CLMP: variants seen among roughly 807,000 people sequenced by gnomAD.
CLMP encodes the protein CXADR-like membrane protein.
A neutral mutation model predicts 45.2 loss-of-function variants in CLMP; 27 were observed. The ratio of observed to expected loss-of-function variants is 0.60; its 90% CI spans 0.44 to 0.82. CLMP has a LOEUF of 0.82. CLMP is among the 40% of genes least tolerant of loss of function. The probability of loss-of-function intolerance (pLI) is 0.00; values close to 1 mark genes in which losing one functional copy is unlikely to be tolerated. For synonymous variants in CLMP, 167 were observed against 171.4 expected, an observed-to-expected ratio of 0.97 and a Z score of 0.20; for missense variants, 403 against 448.4, an observed-to-expected ratio of 0.90 and a Z score of 0.91.
In CLMP at chr11:123,070,790, T is replaced by C. The variant is rs1380798932; in HGVS notation, c.*2684A>G. ...GGTTTTATATTTTACAATGAGACAG[T>C]GTTAGTGTAAGAAGCATTCCAAATA... is the stretch of plus-strand genomic sequence containing the variant. On this transcript the variant is annotated 3_prime_UTR_variant, in exon 7 of 7. Transcript: ENST00000448775. 6.6e-6 allele frequency: 1 copy of C among 152,176 alleles called. No homozygotes were observed. The highest frequency in any genetic ancestry group is 2.4e-5 in the African/African-American group (1 of 41,434). 9.4% of individuals were successfully genotyped at this position (152,176 alleles called of 1,614,324 possible).
intron 1 of CLMP, among the ~76,000 whole-genome samples, chr11:123,142,621 C>CCTT (rs769561538): frequency 8.1e-6 from 1 of 123,266 alleles, no homozygotes; most frequent in Non-Finnish European, 1.6e-5. Context: ...GATGAGGTTT[C>CCTT]TTTTTTTTTT....
intron 2 of CLMP, among the ~76,000 whole-genome samples, chr11:123,086,241 A>G (rs912288583): frequency 3.2e-4 from 49 of 152,322 alleles, no homozygotes; most frequent in African/African-American, 1.1e-3. Context: ...GTGATTTATA[A>G]TCAAGTGAGA....
intron 1 of CLMP, among the ~76,000 whole-genome samples, chr11:123,101,183 A>G (rs1452821166): frequency 2.6e-5 from 4 of 152,208 alleles, no homozygotes. Flanking sequence ...ATCTCAGCTC[A>G]CTGCGACCTC....
intron 1 of CLMP, chr11:123,136,160 G>C: frequency 6.4e-6 from 4 of 629,722 alleles, no homozygotes; most frequent in Non-Finnish European, 1.2e-5. Context: ...TACTGCAGTT[G>C]CTGCAAGTTT....
intron 1 of CLMP, among the ~76,000 whole-genome samples, chr11:123,136,560 ATTTTTTTTTT>A (rs34074982): frequency 5.8e-5 from 5 of 85,856 alleles, no homozygotes; most frequent in East Asian, 7.0e-4. Context: ...CTTTTAAGTA[ATTTTTTTTTT>A]TTTTTTTTTT....
chr11:123,127,759 G>A (rs563564948), intron 1 of CLMP, among the ~76,000 whole-genome samples: 26 of 152,190 alleles, frequency 1.7e-4, no homozygotes, highest in Non-Finnish European at 2.2e-4. Flanking sequence ...TAACGTGGCC[G>A]GGCACGGTGG....
In CLMP at chr11:123,097,865, A is replaced by G; in HGVS notation, c.116T>C (p.Leu39Pro). ...CAGAGTGTCTTTTTCTGGAAGCCCC[A>G]GTTGATGGTGGCAGGGCAAAGTGAC... ...EKVTLPCHHQ[L>P]GLPEKDTLDI... is the part of the protein sequence containing the mutation. The change falls in exon 2 of 7, where the codon CTG becomes CCG. Residue 39 changes from leucine to proline, a missense_variant. Physicochemically the swap from Leu to Pro is moderately conservative, Grantham distance 98. Coordinates refer to ENST00000448775, the MANE Select transcript of CLMP (RefSeq NM_024769.5). 1 of 1,610,932 alleles carries G rather than the reference A, an allele frequency of 6.2e-7. No individual in the cohort carries two copies. Among genetic ancestry groups the G allele is most frequent in the Non-Finnish European group, 8.5e-7 (1 of 1,178,648 alleles).
At chr11:123,076,684 AG>A (rs1865744189) in intron 5 of CLMP, among the ~76,000 whole-genome samples, 1 of 152,180 alleles carries the variant, frequency 6.6e-6, no homozygotes, top group African/African-American at 2.4e-5. Context: ...GGGAGAGTAG[AG>A]GGAGATGAGG....
intron 2 of CLMP, among the ~76,000 whole-genome samples, chr11:123,091,342 C>A (rs1399607772): frequency 1.3e-5 from 2 of 152,278 alleles, no homozygotes; most frequent in East Asian, 3.9e-4. Context: ...TGACCTTAAG[C>A]GACCTGCCCA....
chr11:123,195,150 C>G lies in CLMP; in HGVS notation c.-210G>C. On this transcript the variant is annotated 5_prime_UTR_variant, in exon 1 of 7. Transcript: ENST00000448775. ...GGCGCTCGCCCCACCAGCTGGCGCC[C>G]GGACGGGAGCCGGGACCAGGGTCAG... The G allele has an allele frequency of 6.7e-6, 2 of 300,452 alleles. No individual in the cohort carries two copies. The highest frequency in any genetic ancestry group is 1.2e-5 in the Non-Finnish European group (2 of 165,528). 18.6% of individuals were successfully genotyped at this position (300,452 alleles called of 1,614,324 possible). A position where few individuals can be genotyped will look rare whatever the true frequency, so the allele number is the denominator to read the frequency against.
Position 123,118,614 on chromosome 11 carries a change from T to C in CLMP, c.29-20662A>G, listed in dbSNP as rs1025275387. On this transcript the variant is annotated intron_variant, in intron 1 of 6. Transcript: ENST00000448775. ...AACTAAATGATGGTATGCAGATAAA[T>C]GGACTAACCCAGACTTCCACTTTTC... Among the ~76,000 whole-genome samples the C allele has an allele frequency of 2.0e-5, 3 of 152,170 alleles. No individual in the cohort carries two copies. The East Asian group carries it at 5.8e-4, about 29-fold the overall frequency.
chr11:123,149,116 A>AAATTACCACCAGAGGAG (rs2135523267), intron 1 of CLMP, among the ~76,000 whole-genome samples: 1 of 152,282 alleles, frequency 6.6e-6, no homozygotes, highest in East Asian at 1.9e-4. Context: ...GCGGGTGTCT[A>AAATTACCACCAGAGGAG]AATTACCACC....
intron 1 of CLMP, among the ~76,000 whole-genome samples, chr11:123,165,122 T>C (rs1203966610): frequency 2.6e-5 from 4 of 152,140 alleles, no homozygotes; most frequent in Non-Finnish European, 2.9e-5. Context: ...ACTTTTCCAG[T>C]TTTTACCAGC....
At chr11:123,082,460 C>G (rs1333888446) in intron 5 of CLMP, among the ~76,000 whole-genome samples, 2 of 152,134 alleles carry the variant, frequency 1.3e-5, no homozygotes, top group African/African-American at 4.8e-5. Flanking sequence ...AGGCACGCAT[C>G]AGCACACCTG....
chr11:123,137,225 C>T (rs1288928974), intron 1 of CLMP, among the ~76,000 whole-genome samples: 1 of 140,184 alleles, frequency 7.1e-6, no homozygotes, highest in African/African-American at 2.7e-5. Flanking sequence ...GCGATCTCGG[C>T]TCACTGCAAG....
At chr11:123,088,397 A>G (rs924080518) in intron 2 of CLMP, among the ~76,000 whole-genome samples, 2 of 152,208 alleles carry the variant, frequency 1.3e-5, no homozygotes, top group African/African-American at 4.8e-5. Context: ...TGGAACACTT[A>G]CTAGGTGCTC....
intron 1 of CLMP, among the ~76,000 whole-genome samples, chr11:123,169,055 A>G (rs1394361926): frequency 2.0e-5 from 3 of 152,144 alleles, no homozygotes; most frequent in Admixed American, 2.0e-4. Context: ...TCAAAAGACC[A>G]AGTGTCTATT....
intron 1 of CLMP, among the ~76,000 whole-genome samples, chr11:123,127,764 C>T (rs1040282049): frequency 6.6e-6 from 1 of 152,088 alleles, no homozygotes; most frequent in Admixed American, 6.5e-5. Context: ...TGGCCGGGCA[C>T]GGTGGCTCAC....
At chr11:123,097,024 A>T (rs188687768) in intron 2 of CLMP, among the ~76,000 whole-genome samples, 49 of 151,670 alleles carry the variant, frequency 3.2e-4, no homozygotes, top group Non-Finnish European at 5.2e-4. Flanking sequence ...AATTAAAAAA[A>T]TTTTTTTGGT....
Sources: gnomAD v4.1 joint callset for allele counts (sites outside exome capture counted in the v4.1 genomes callset) on GRCh38, gnomAD v4.1.1 for gene constraint, MANE v1.5 for transcripts, NCBI Gene and HGNC (gene_info 2026-07-23, HGNC 2026-07-21) for gene names.